The following NOTCH1 variants were observed in gnomAD, a reference collection of about 807,000 sequenced individuals.
NOTCH1 encodes the protein neurogenic locus notch homolog protein 1.
Under a neutral mutation model 254.8 loss-of-function variants are expected in NOTCH1, and 37 were observed. The ratio of observed to expected loss-of-function variants is 0.15; its 90% confidence interval spans 0.11 to 0.19. The LOEUF (loss-of-function observed/expected upper bound fraction) is 0.19, where lower values mean the gene tolerates loss of function less well. Ranked by LOEUF, NOTCH1 falls within the 10% of genes least tolerant of loss-of-function variation. NOTCH1 has a pLI of 1.00. For missense variants in NOTCH1, 2,972 were observed against 3,708.6 expected, an observed-to-expected ratio of 0.80 and a Z score of 5.16; for synonymous variants, 1,731 against 1,618.1, an observed-to-expected ratio of 1.07 and a Z score of -1.68.
chr9:136,522,571 G>T (rs944275211), intron 4 of NOTCH1: 5 of 484,012 alleles, frequency 1.0e-5, no homozygotes, highest in Non-Finnish European at 1.8e-5. Context: ...CCTGCACTGG[G>T]GGGAGGCAGG....
At chr9:136,508,676 G>A (rs1843128217) in intron 19 of NOTCH1, among the ~76,000 whole-genome samples, 194 bp downstream of exon 19, 1 of 152,238 alleles carries the variant, frequency 6.6e-6, no homozygotes, top group Non-Finnish European at 1.5e-5. Flanking sequence ...ACCTGGGATT[G>A]AAACGAAGGT....
chr9:136,512,990 CCCTCCAGCACAGG>C lies in NOTCH1; in HGVS notation c.2467+18_2467+30del. 1.1e-6 allele frequency: 1 copy of C among 922,338 alleles called. No individual in the cohort carries two copies. The highest frequency in any genetic ancestry group is 1.7e-6 in the Non-Finnish European group (1 of 582,662). The allele number at this position is 922,338 out of a possible 1,614,324, so 57.1% of individuals were successfully genotyped here. A position where few individuals can be genotyped will look rare whatever the true frequency, so the allele number is the denominator to read the frequency against. The stretch of plus-strand genomic sequence containing the variant: ...CCGCCCCTCCCACATAGGCCCCGCC[CCCTCCAGCACAGG>C]CCCCACCCACCCCTCACCTGTGTAG... On this transcript the variant is annotated intron_variant, in intron 15 of 33. Coordinates refer to ENST00000651671, the MANE Select transcript of NOTCH1 (RefSeq NM_017617.5).
At position 136,508,123 on chromosome 9, in the gene NOTCH1, G is replaced by C. The variant is rs758126675; in HGVS notation, c.3342C>G (p.Arg1114=). 2 of 1,608,264 alleles carry C rather than the reference G, an allele frequency of 1.2e-6. No individual in the cohort carries two copies. The highest frequency in any genetic ancestry group is 1.7e-6 in the Non-Finnish European group (2 of 1,179,844). ...AAQRQGVDVA[R]LCQHGGLCVD... is the part of the protein sequence containing the mutation. ...CACAGAGCCCTCCATGCTGGCACAGGCGGGCAACGTCAACACCTGCGGGGG... is the reference window on the plus strand; with the variant it reads ...CACAGAGCCCTCCATGCTGGCACAGCCGGGCAACGTCAACACCTGCGGGGG... The change falls in exon 21 of 34, where the codon CGC becomes CGG. Residue 1114 remains arginine, a synonymous_variant. Transcript: ENST00000651671.
chr9:136,504,614 C>T (rs1335094737), intron 26 of NOTCH1, 59 bp downstream of exon 26: 63 of 1,441,040 alleles, frequency 4.4e-5, no homozygotes, highest in South Asian at 5.8e-5. Context: ...GCAGGGAGGC[C>T]GTCGGGGAGG....
At chr9:136,543,068 C>G (rs1843755445) in intron 2 of NOTCH1, 1 of 153,588 alleles carries the variant, frequency 6.5e-6, no homozygotes, top group South Asian at 1.9e-4. Context: ...AGGACAGAAA[C>G]CAGACTCAAT....
chr9:136,505,820 T>C lies in NOTCH1; in HGVS notation c.4076A>G (p.Asn1359Ser), dbSNP rs2133341046. The change falls in exon 25 of 34, where the codon AAC (asparagine) becomes AGC (serine). Residue 1359 changes from asparagine to serine, a missense_variant. Asn to Ser is a conservative substitution (Grantham distance 46). This residue lies in a region of NOTCH1 where 1,343 missense variants were observed against 1,557.0 expected (regional missense o/e 0.86). Transcript: ENST00000651671. ...CGGGCCGGAGATGCATGTGCCGCCG[T>C]TGAGGCAGCGCAGGCTGCCGCAGGT... ...ARTCGSLRCL[N>S]GGTCISGPRS... 1 of 1,592,578 alleles carries C rather than the reference T, an allele frequency of 6.3e-7. No homozygotes were observed. Among genetic ancestry groups the C allele is most frequent in the Non-Finnish European group, 8.5e-7 (1 of 1,174,440 alleles).
chr9:136,540,129 G>A lies in NOTCH1; in HGVS notation c.140+3895C>T, dbSNP rs1278679934. 6.6e-6 allele frequency among the ~76,000 whole-genome samples: 1 copy of A among 152,172 alleles called. No homozygotes were observed. The highest frequency in any genetic ancestry group is 1.5e-5 in the Non-Finnish European group (1 of 68,030). ...TGCCTGATCCAGACAGCTTTACGGGGCTGCCGGGAGCTATGCCAGGCCACC... is the reference window on the plus strand; with the variant it reads ...TGCCTGATCCAGACAGCTTTACGGGACTGCCGGGAGCTATGCCAGGCCACC... On this transcript the variant is annotated intron_variant, in intron 2 of 33. Transcript: ENST00000651671. The surrounding 1 kb of genome is among the most constrained non-coding windows in gnomAD (Gnocchi z 4.4).
Position 136,545,935 on chromosome 9 carries a change from C to A in NOTCH1, c.-149G>T. 4.1e-6 allele frequency: 1 copy of A among 243,810 alleles called. No homozygotes were observed. Among genetic ancestry groups the A allele is most frequent in the South Asian group, 1.4e-4 (1 of 7,068 alleles). 15.1% of individuals were successfully genotyped at this position (243,810 alleles called of 1,614,324 possible). A position where few individuals can be genotyped will look rare whatever the true frequency, so the allele number is the denominator to read the frequency against. On this transcript the variant is annotated 5_prime_UTR_variant, in exon 1 of 34. Transcript: ENST00000651671. This position sits in a 1 kb window ranked among gnomAD's most constrained non-coding sequence, Gnocchi z 6.8. ...CGGCTGGCTGGCGGCGCTGTGCTCT[C>A]GCAGGCCCCCGGGCCCGGCTCCGCG...
chr9:136,518,361 G>A, intron 6 of NOTCH1, 69 bp from the exon 7 acceptor site: 3 of 1,546,488 alleles, frequency 1.9e-6, no homozygotes, highest in East Asian at 2.4e-5. Context: ...CACGGCTGGG[G>A]TCCAACCCCA....
At chr9:136,504,641 G>A (rs1427922437) in intron 26 of NOTCH1, 32 bp downstream of exon 26, 38 of 1,485,150 alleles carry the variant, frequency 2.6e-5, no homozygotes, top group Non-Finnish European at 3.2e-5. Flanking sequence ...GAGAGTTGCG[G>A]GGATTGACCG....
intron 12 of NOTCH1, 91 bp from the exon 13 acceptor site, chr9:136,514,793 G>T (rs372490542): frequency 3.9e-6 from 5 of 1,298,356 alleles, no homozygotes; most frequent in South Asian, 1.3e-5. Flanking sequence ...GAGCCGGGGC[G>T]ATCACCCTTC....
At chr9:136,526,697 G>A (rs904454954) in intron 2 of NOTCH1, among the ~76,000 whole-genome samples, 1 of 152,216 alleles carries the variant, frequency 6.6e-6, no homozygotes, top group Admixed American at 6.5e-5. Flanking sequence ...CCCTGAGCGC[G>A]GACCCCAACG....
Position 136,508,220 on chromosome 9 carries a change from A to G in NOTCH1, c.3325+12T>C, listed in dbSNP as rs761567478. On this transcript the variant is annotated intron_variant, in intron 20 of 33. Coordinates refer to ENST00000651671, the MANE Select transcript of NOTCH1 (RefSeq NM_017617.5). The stretch of plus-strand genomic sequence containing the variant: ...GGGCTGGGACCCGAGCTGGGTGGGC[A>G]CAGCAGGTTACCTTGTCGCTGCGCA... The G allele has an allele frequency of 5.6e-6, 9 of 1,610,378 alleles. No homozygotes were observed. In the South Asian group the frequency reaches 9.9e-5, roughly 18 times the overall value.
At chr9:136,500,274 G>A (rs1399763955) in intron 31 of NOTCH1, among the ~76,000 whole-genome samples, 1 of 152,224 alleles carries the variant, frequency 6.6e-6, no homozygotes, top group Admixed American at 6.5e-5. Flanking sequence ...GATGGAGCCT[G>A]TTTTGCTGGG....
At chr9:136,507,017 C>A (rs192608210) in intron 22 of NOTCH1, 44 bp from the exon 23 acceptor site, 24 of 1,585,258 alleles carry the variant, frequency 1.5e-5, no homozygotes, top group Admixed American at 1.8e-5. Flanking sequence ...CGCCACACCC[C>A]GGCCCTGCCG....
At chr9:136,522,572 G>A in intron 4 of NOTCH1, 1 of 483,818 alleles carries the variant, frequency 2.1e-6, no homozygotes, top group Non-Finnish European at 3.6e-6. Context: ...CTGCACTGGG[G>A]GGAGGCAGGG....
chr9:136,496,530 C>G lies in NOTCH1; in HGVS notation c.7209G>C (p.Gln2403His), dbSNP rs61751486. Residue 2403 changes from glutamine to histidine, a missense_variant, in exon 34 of 34, where the codon CAG (glutamine) becomes CAC (histidine). By Grantham distance (24) the Gln-to-His change is conservative. Around this residue, in one of 8 missense-constraint regions of NOTCH1, gnomAD observed 529 missense variants for 529.2 expected, o/e 1.00. Coordinates refer to ENST00000651671, the MANE Select transcript of NOTCH1 (RefSeq NM_017617.5). ...GTGGCGGCTGCAGGCTTTGCTGCTG[C>G]TGGATGTTTGCTGGCTGCAGGTTCT... ...QQQNLQPANI[Q>H]QQQSLQPPPP... The G allele has an allele frequency of 2.2e-5, 35 of 1,606,702 alleles. No homozygotes were observed. The highest frequency in any genetic ancestry group is 2.8e-5 in the Non-Finnish European group (33 of 1,179,960).
At chr9:136,529,017 C>T (rs890626190) in intron 2 of NOTCH1, among the ~76,000 whole-genome samples, 2 of 152,172 alleles carry the variant, frequency 1.3e-5, no homozygotes. Context: ...GAGTCTAGGG[C>T]TCCCACTCTG....
At chr9:136,535,088 G>A (rs1284380173) in intron 2 of NOTCH1, among the ~76,000 whole-genome samples, 2 of 133,168 alleles carry the variant, frequency 1.5e-5, no homozygotes, top group African/African-American at 2.8e-5. Flanking sequence ...GAAATTGCAG[G>A]AACCACAGCA....
Sources: gnomAD v4.1 joint callset for allele counts (sites outside exome capture counted in the v4.1 genomes callset) on GRCh38, gnomAD v4.1.1 for gene constraint, gnomAD v4.1.1 regional missense constraint, Gnocchi (gnomAD v3.1) non-coding constraint, MANE v1.5 for transcripts, NCBI Gene and HGNC (gene_info 2026-07-23, HGNC 2026-07-21) for gene names.